Variants in SLC9A2 observed in about 807,000 individuals in gnomAD.
The protein encoded by SLC9A2 is solute carrier family 9 member A2, also known as sodium/hydrogen exchanger 2.
SLC9A2 carries 42 observed loss-of-function variants against 71.7 expected under a neutral mutation model. The observed-to-expected ratio is 0.59, with a 90% CI of 0.46 to 0.76. The LOEUF is 0.76. SLC9A2 is among the 30% of genes least tolerant of loss of function. The pLI is 0.00. For synonymous variants in SLC9A2, 396 were observed against 392.5 expected (o/e 1.01, Z -0.10); for missense variants, 829 against 1,017.4 (o/e 0.81, Z 2.52).
intron 1 of SLC9A2, among the ~76,000 whole-genome samples, chr2:102,632,134 ATATG>A (rs754277417): frequency 1.7e-4 from 11 of 65,922 alleles, no homozygotes; most frequent in Non-Finnish European, 2.7e-4. Context: ...ATATACATAT[ATATG>A]TATATATACA....
intron 1 of SLC9A2, among the ~76,000 whole-genome samples, chr2:102,628,148 C>T (rs1211037835): frequency 2.6e-5 from 4 of 151,974 alleles, no homozygotes; most frequent in African/African-American, 7.3e-5. Context: ...TCATAATACT[C>T]AAAGTTTATG....
intron 2 of SLC9A2, among the ~76,000 whole-genome samples, chr2:102,659,895 T>G (rs1444169212): frequency 6.6e-6 from 1 of 152,186 alleles, no homozygotes. Flanking sequence ...GTCTATTTAG[T>G]GCAAAGGGAA....
chr2:102,681,569 G>A (rs553372972), intron 3 of SLC9A2, among the ~76,000 whole-genome samples: 1 of 152,312 alleles, frequency 6.6e-6, no homozygotes, highest in East Asian at 1.9e-4. Flanking sequence ...CAAAGTAAAG[G>A]TGCTGTGAAG....
chr2:102,652,718 G>A (rs551000950), intron 1 of SLC9A2, among the ~76,000 whole-genome samples: 10 of 152,302 alleles, frequency 6.6e-5, no homozygotes, highest in African/African-American at 2.4e-4. Context: ...CTACACAGTA[G>A]GTCATACTTG....
At chr2:102,676,574 T>C (rs1047925856) in intron 3 of SLC9A2, among the ~76,000 whole-genome samples, 1 of 152,270 alleles carries the variant, frequency 6.6e-6, no homozygotes, top group Non-Finnish European at 1.5e-5. Context: ...TTAAAAAAGA[T>C]TGTTCAGTTT....
intron 8 of SLC9A2, 128 bp from the exon 9 acceptor site, chr2:102,702,278 T>C (rs1677886533): frequency 1.2e-5 from 7 of 570,154 alleles, no homozygotes; most frequent in Non-Finnish European, 1.9e-5. Context: ...TTTTAAGTTA[T>C]TGAATAATCC....
intron 7 of SLC9A2, among the ~76,000 whole-genome samples, chr2:102,696,351 C>A (rs915978269): frequency 6.6e-6 from 1 of 152,052 alleles, no homozygotes; most frequent in Non-Finnish European, 1.5e-5. Flanking sequence ...TTGGTAGATC[C>A]CTCTTGTTTT....
chr2:102,620,874 C>T (rs1005517386), intron 1 of SLC9A2, among the ~76,000 whole-genome samples: 2 of 151,866 alleles, frequency 1.3e-5, no homozygotes, highest in African/African-American at 4.8e-5. Flanking sequence ...CCAAACAGTA[C>T]AAAAATAAAA....
chr2:102,703,413 G>A (rs910584892), intron 9 of SLC9A2, among the ~76,000 whole-genome samples: 2 of 152,148 alleles, frequency 1.3e-5, no homozygotes, highest in Middle Eastern at 3.4e-3. Flanking sequence ...TAGCTTTCTC[G>A]CTGTCCCCTG....
chr2:102,635,686 A>G (rs1676456399), intron 1 of SLC9A2, among the ~76,000 whole-genome samples: 1 of 152,206 alleles, frequency 6.6e-6, no homozygotes, highest in Non-Finnish European at 1.5e-5. Context: ...ATCATTTCAC[A>G]ATGTAATTTG....
intron 1 of SLC9A2, among the ~76,000 whole-genome samples, chr2:102,654,142 G>A (rs1172506815): frequency 6.6e-6 from 1 of 151,474 alleles, no homozygotes; most frequent in Admixed American, 6.6e-5. Flanking sequence ...TTAAGGAAAG[G>A]AAGTGATTGC....
chr2:102,704,688 G>GCGCCT lies in SLC9A2; in HGVS notation c.1977+15_1977+19dup. ...TCGAGAACACAGGGTAACTGAGTGT[G>GCGCCT]CGCCTCTAGGAGACTTCCAGGGGTG... On this transcript the variant is annotated intron_variant, in intron 10 of 11. Coordinates refer to ENST00000233969, the MANE Select transcript of SLC9A2 (RefSeq NM_003048.6). 6.2e-7 allele frequency: 1 copy of GCGCCT among 1,607,226 alleles called. No homozygotes were observed. Among genetic ancestry groups the GCGCCT allele is most frequent in the Middle Eastern group, 1.7e-4 (1 of 6,016 alleles).
rs190638642 is a variant in SLC9A2, at chr2:102,710,858, G to C, written c.*2369G>C. The C allele has an allele frequency of 3.3e-5, 5 of 152,442 alleles. No homozygotes were observed. Among genetic ancestry groups the C allele is most frequent in the African/African-American group, 1.2e-4 (5 of 41,558 alleles). 9.4% of individuals were successfully genotyped at this position (152,442 alleles called of 1,614,324 possible). ...ATCCAACCAAAGTTCCAATGTGACT[G>C]TGGATCTTTGATAGGTCTTTGGTGT... On this transcript the variant is annotated 3_prime_UTR_variant, in exon 12 of 12. Transcript: ENST00000233969.
chr2:102,702,748 C>G (rs1226380843), intron 9 of SLC9A2, among the ~76,000 whole-genome samples: 1 of 152,102 alleles, frequency 6.6e-6, no homozygotes, highest in Non-Finnish European at 1.5e-5. Context: ...AAGAAATACA[C>G]GTTGACTAAT....
Position 102,704,566 on chromosome 2 carries a change from G to C in SLC9A2, c.1868G>C (p.Ser623Thr). 1 of 1,613,024 alleles carries C rather than the reference G, an allele frequency of 6.2e-7. No individual in the cohort carries two copies. The highest frequency in any genetic ancestry group is 8.5e-7 in the Non-Finnish European group (1 of 1,179,322). The change falls in exon 10 of 12, where the codon AGT (serine) becomes ACT (threonine). Residue 623 changes from serine (S) to threonine (T), a missense_variant. Around this residue, in one of 3 missense-constraint regions of SLC9A2, gnomAD observed 500 missense variants for 726.3 expected, o/e 0.69. Coordinates refer to ENST00000233969, the MANE Select transcript of SLC9A2 (RefSeq NM_003048.6). ...CAGACTTTATCCTACAACAGACACA[G>C]TCTGACAGCCGACACAAGTGAGAGA... The part of the protein sequence containing the change: ...RQRTLSYNRH[S>T]LTADTSERQA...
chr2:102,705,675 G>A lies in SLC9A2; in HGVS notation c.1978-171G>A, dbSNP rs376530173. On this transcript the variant is annotated intron_variant, in intron 10 of 11. Transcript: ENST00000233969. The stretch of plus-strand genomic sequence containing the variant: ...AGAGATCTCCATTCCATTCTGGAAG[G>A]GATTTAATTATTTCAAGTTATAATA... Among the ~76,000 whole-genome samples, 4 of 152,114 alleles carry A rather than the reference G, an allele frequency of 2.6e-5. No individual in the cohort carries two copies. In the East Asian group the frequency reaches 5.8e-4, roughly 22 times the overall value.
chr2:102,689,377 T>A (rs866274508), intron 5 of SLC9A2, among the ~76,000 whole-genome samples: 1 of 152,214 alleles, frequency 6.6e-6, no homozygotes, highest in East Asian at 1.9e-4. Context: ...CTGACATTCT[T>A]GGCATCCCCT....
chr2:102,628,523 T>C (rs1676293829), intron 1 of SLC9A2, among the ~76,000 whole-genome samples: 1 of 152,130 alleles, frequency 6.6e-6, no homozygotes, highest in African/African-American at 2.4e-5. Context: ...AACGGCAATA[T>C]ATGTATTTAA....
chr2:102,639,687 A>G (rs1262842624), intron 1 of SLC9A2, among the ~76,000 whole-genome samples: 1 of 152,208 alleles, frequency 6.6e-6, no homozygotes, highest in Non-Finnish European at 1.5e-5. Context: ...ATTTGTGTCC[A>G]TTAAACACTT....
Sources: allele counts gnomAD v4.1 joint callset (sites outside exome capture counted in the v4.1 genomes callset), GRCh38; gene constraint gnomAD v4.1.1; regional missense constraint gnomAD v4.1.1; transcripts MANE v1.5; gene names NCBI Gene and HGNC (gene_info 2026-07-23, HGNC 2026-07-21).